The following PDE4D variants were observed in gnomAD, a reference collection of about 807,000 sequenced individuals.
PDE4D encodes the protein 3',5'-cyclic-AMP phosphodiesterase 4D.
Under a neutral mutation model 87.4 loss-of-function variants are expected in PDE4D, and 24 were observed. The ratio of observed to expected loss-of-function variants is 0.27; its 90% confidence interval spans 0.20 to 0.39. PDE4D has a LOEUF of 0.39. Among genes scored for constraint, PDE4D ranks in the 10% least tolerant of loss-of-function variants. PDE4D has a pLI of 1.00. For synonymous variants in PDE4D, 384 were observed against 383.2 expected (o/e 1.00, Z -0.02); for missense variants, 714 against 1,041.0 (o/e 0.69, Z 4.32).
At chr5:59,413,081 G>T (rs1180996729) in intron 1 of PDE4D, among the ~76,000 whole-genome samples, 1 of 152,144 alleles carries the variant, frequency 6.6e-6, no homozygotes, top group Non-Finnish European at 1.5e-5. Flanking sequence ...CTTGCTATTA[G>T]ACTCTTCCTG....
chr5:60,271,403 T>C (rs1432517107), intron 1 of PDE4D, among the ~76,000 whole-genome samples: 1 of 152,196 alleles, frequency 6.6e-6, no homozygotes, highest in Non-Finnish European at 1.5e-5. Context: ...AGAAATGTAA[T>C]TGATCTAATT....
chr5:59,918,551 A>G (rs1000840031), intron 3 of PDE4D, among the ~76,000 whole-genome samples: 11 of 152,168 alleles, frequency 7.2e-5, no homozygotes, highest in African/African-American at 2.7e-4. Context: ...CTTATGCTAT[A>G]TAAAATCCAG....
chr5:59,392,503 C>A (rs1035220340), intron 1 of PDE4D, among the ~76,000 whole-genome samples: 3 of 139,282 alleles, frequency 2.2e-5, no homozygotes, highest in South Asian at 2.3e-4. Context: ...GTGTGTGTGT[C>A]TATATATATA....
chr5:60,315,313 G>A lies in PDE4D; in HGVS notation c.-89-129626C>T, dbSNP rs554436833. Reference sequence around the variant, plus strand: ...TGAGAAATGTCTGTTCATATCCTTCGCCTATTTGTTGATGGGGTTGTTTGT... The same window carrying A: ...TGAGAAATGTCTGTTCATATCCTTCACCTATTTGTTGATGGGGTTGTTTGT... On this transcript the variant is annotated intron_variant, in intron 1 of 16. Transcript: ENST00000502484. 1.4e-4 allele frequency among the ~76,000 whole-genome samples: 21 copies of A among 152,202 alleles called. No individual in the cohort carries two copies. In the East Asian group the frequency reaches 3.3e-3, roughly 24 times the overall value.
chr5:60,313,920 T>A (rs964235304), intron 1 of PDE4D, among the ~76,000 whole-genome samples: 1 of 152,066 alleles, frequency 6.6e-6, no homozygotes, highest in African/African-American at 2.4e-5. Flanking sequence ...TTCAGCAAAC[T>A]AGGCATTAAA....
intron 1 of PDE4D, among the ~76,000 whole-genome samples, chr5:59,816,670 T>G (rs1769015049): frequency 6.6e-6 from 1 of 152,210 alleles, no homozygotes; most frequent in Non-Finnish European, 1.5e-5. Context: ...CACCCCTCAC[T>G]ACCGCTATGT....
chr5:59,999,485 G>C (rs528498429), intron 2 of PDE4D, among the ~76,000 whole-genome samples: 1 of 148,044 alleles, frequency 6.8e-6, no homozygotes, highest in South Asian at 2.1e-4. Context: ...ACTCTAACTG[G>C]GAAAGAACAC....
intron 1 of PDE4D, among the ~76,000 whole-genome samples, chr5:60,301,390 A>T (rs75384281): frequency 0.011 from 1,611 of 152,228 alleles, 17 homozygotes; most frequent in African/African-American, 0.037. Flanking sequence ...TTCTTTGAGC[A>T]TTGGTTTGTA....
chr5:59,134,307 C>T (rs1580986320), intron 5 of PDE4D, among the ~76,000 whole-genome samples: 4 of 151,422 alleles, frequency 2.6e-5, no homozygotes, highest in African/African-American at 9.7e-5. Flanking sequence ...AGTGGAAGCT[C>T]TTAAGACCAC....
intron 1 of PDE4D, among the ~76,000 whole-genome samples, chr5:59,769,980 A>G (rs1407006632): frequency 1.3e-5 from 2 of 152,324 alleles, no homozygotes; most frequent in Non-Finnish European, 2.9e-5. Flanking sequence ...AAATGTTTAC[A>G]GAAAAGTGTA....
chr5:59,198,433 G>C (rs1745975495), intron 2 of PDE4D, among the ~76,000 whole-genome samples: 1 of 152,188 alleles, frequency 6.6e-6, no homozygotes, highest in African/African-American at 2.4e-5. Context: ...GAAACTTCTA[G>C]AACAGCCAGG....
chr5:59,815,947 C>T (rs1040171985), intron 1 of PDE4D, among the ~76,000 whole-genome samples: 4 of 152,142 alleles, frequency 2.6e-5, no homozygotes, highest in Admixed American at 6.5e-5. Flanking sequence ...GTATTCCAAG[C>T]ATACAAAAAT....
intron 1 of PDE4D, among the ~76,000 whole-genome samples, chr5:59,518,739 AT>A (rs1225826684): frequency 1.3e-5 from 2 of 152,150 alleles, no homozygotes; most frequent in African/African-American, 2.4e-5. Flanking sequence ...CTACATCATG[AT>A]TTTTGTTGTT....
At chr5:59,643,520 T>C (rs998384097) in intron 1 of PDE4D, among the ~76,000 whole-genome samples, 3 of 152,244 alleles carry the variant, frequency 2.0e-5, no homozygotes, top group Non-Finnish European at 4.4e-5. Context: ...TGTATACCTA[T>C]ATCAAAATTT....
intron 1 of PDE4D, among the ~76,000 whole-genome samples, chr5:59,604,044 T>G (rs1212548460): frequency 2.0e-5 from 3 of 147,738 alleles, no homozygotes; most frequent in Non-Finnish European, 4.5e-5. Context: ...GTTAAGAATA[T>G]AGATATAATT....
In PDE4D at chr5:58,973,450, A is replaced by G. The variant is rs1262942452; in HGVS notation, c.*1214T>C. On this transcript the variant is annotated 3_prime_UTR_variant, in exon 15 of 15. Coordinates refer to ENST00000340635, the MANE Select transcript of PDE4D (RefSeq NM_001104631.2). Reference sequence around the variant, plus strand: ...TAAAAACAATAAAAATGAGCATGAAATGTGTGGATTATTAGAGCATGAAAT... The same window carrying G: ...TAAAAACAATAAAAATGAGCATGAAGTGTGTGGATTATTAGAGCATGAAAT... 1 of 152,128 alleles carries G rather than the reference A, an allele frequency of 6.6e-6. No homozygotes were observed. The highest frequency in any genetic ancestry group is 1.5e-5 in the Non-Finnish European group (1 of 67,872). 9.4% of individuals were successfully genotyped at this position (152,128 alleles called of 1,614,324 possible).
chr5:58,969,941 T>C lies in PDE4D; in HGVS notation c.*4723A>G, dbSNP rs565953920. On this transcript the variant is annotated 3_prime_UTR_variant, in exon 15 of 15. Transcript: ENST00000340635. Reference sequence around the variant, plus strand: ...TACTCAAGTTGGCTTTATTTGGTTATGAATATCAGTACTAACTTATGATGT... The same window carrying C: ...TACTCAAGTTGGCTTTATTTGGTTACGAATATCAGTACTAACTTATGATGT... The C allele has an allele frequency of 7.9e-5, 12 of 152,316 alleles. 1 individual carries two copies. In the South Asian group the frequency reaches 2.5e-3, roughly 32 times the overall value. The allele number at this position is 152,316 out of a possible 1,614,324, so 9.4% of individuals were successfully genotyped here.
intron 1 of PDE4D, among the ~76,000 whole-genome samples, chr5:59,559,933 A>T (rs922174228): frequency 6.6e-6 from 1 of 152,234 alleles, no homozygotes; most frequent in Non-Finnish European, 1.5e-5. Flanking sequence ...CCCTTTAAAA[A>T]TACCAGTTTC....
At chr5:59,104,152 A>G (rs1387416616) in intron 5 of PDE4D, among the ~76,000 whole-genome samples, 3 of 146,046 alleles carry the variant, frequency 2.1e-5, no homozygotes, top group African/African-American at 2.6e-5. Context: ...AAACAATCAA[A>G]ATTAAACCTC....
Sources: allele counts gnomAD v4.1 joint callset (sites outside exome capture counted in the v4.1 genomes callset), GRCh38; gene constraint gnomAD v4.1.1; transcripts MANE v1.5; gene names NCBI Gene and HGNC (gene_info 2026-07-23, HGNC 2026-07-21).